Variants in SFMBT2 observed in about 807,000 individuals in gnomAD.
The protein encoded by SFMBT2 is scm-like with four MBT domains protein 2.
In SFMBT2, 38 loss-of-function variants were observed where a neutral mutation model predicts 110.1. That is an observed-to-expected ratio of 0.35 (90% CI 0.27 to 0.45). SFMBT2 has a LOEUF of 0.45. SFMBT2 is among the 20% of genes least tolerant of loss of function. The probability of loss-of-function intolerance (pLI) is 1.00; values close to 1 mark genes in which losing one functional copy is unlikely to be tolerated. For synonymous variants in SFMBT2, 425 were observed against 425.4 expected, an observed-to-expected ratio of 1.00 and a Z score of 0.01; for missense variants, 1,011 against 1,094.9, an observed-to-expected ratio of 0.92 and a Z score of 1.08.
Position 7,364,953 on chromosome 10 carries a change from G to A in SFMBT2, c.436+2696C>T, listed in dbSNP as rs573335371. ...CTCCATCAAGGCTGATTTACTTCAC[G>A]ACGGATCAGAAATCATAGGTAAATT... On this transcript the variant is annotated intron_variant, in intron 4 of 20. Coordinates refer to ENST00000397167, the MANE Select transcript of SFMBT2 (RefSeq NM_001387889.1). 3.3e-5 allele frequency among the ~76,000 whole-genome samples: 5 copies of A among 152,282 alleles called. No homozygotes were observed. In the East Asian group the frequency reaches 7.7e-4, roughly 23 times the overall value.
At chr10:7,184,390 CT>C (rs1838334433) in intron 16 of SFMBT2, among the ~76,000 whole-genome samples, 1 of 152,076 alleles carries the variant, frequency 6.6e-6, no homozygotes, top group Admixed American at 6.5e-5. Flanking sequence ...TTCTCATTCT[CT>C]TCTCTTGTCT....
rs146428989 is a variant in SFMBT2 at position 7,301,646 on chromosome 10, G to A, written c.437-15692C>T. 2.0e-3 allele frequency among the ~76,000 whole-genome samples: 310 copies of A among 152,318 alleles called. 1 individual carries two copies. Among genetic ancestry groups the A allele is most frequent in the African/African-American group, 7.1e-3 (294 of 41,576 alleles). On this transcript the variant is annotated intron_variant, in intron 4 of 20. Transcript: ENST00000397167. The surrounding 1 kb of genome is among the most constrained non-coding windows in gnomAD (Gnocchi z 4.2). ...ACAAACCAGAGACTGCAATGAGAGG[G>A]AGGAGCTGCAGCTCCAAGTTGGGCC...
At chr10:7,221,121 C>T (rs182975885) in intron 10 of SFMBT2, among the ~76,000 whole-genome samples, 8 of 152,104 alleles carry the variant, frequency 5.3e-5, no homozygotes, top group Non-Finnish European at 8.8e-5. Context: ...CCACCGTGCC[C>T]GGCTGCACCC....
At chr10:7,279,012 A>T in intron 6 of SFMBT2, among the ~76,000 whole-genome samples, 1 of 151,936 alleles carries the variant, frequency 6.6e-6, no homozygotes, top group East Asian at 1.9e-4. Flanking sequence ...GAGGCAGGAG[A>T]ATCGCTTGAA....
chr10:7,368,449 C>T (rs574822577), intron 3 of SFMBT2: 30 of 742,948 alleles, frequency 4.0e-5, no homozygotes, highest in African/African-American at 1.7e-4. Context: ...CTGACATATC[C>T]GCTGTCCGCA....
chr10:7,218,026 A>T (rs1401229458), intron 11 of SFMBT2, among the ~76,000 whole-genome samples: 1 of 152,276 alleles, frequency 6.6e-6, no homozygotes, highest in African/African-American at 2.4e-5. Flanking sequence ...CTTCAAGAGA[A>T]GTCAGATATT....
At chr10:7,227,474 T>C (rs1019014318) in intron 10 of SFMBT2, among the ~76,000 whole-genome samples, 3 of 152,228 alleles carry the variant, frequency 2.0e-5, no homozygotes, top group Admixed American at 2.0e-4. Flanking sequence ...TAACATACAC[T>C]GCTATCAGGC....
intron 11 of SFMBT2, among the ~76,000 whole-genome samples, chr10:7,218,639 GAA>G (rs1016535892): frequency 2.6e-5 from 4 of 152,144 alleles, no homozygotes; most frequent in African/African-American, 9.7e-5. Context: ...TGGGGAATAA[GAA>G]AAAGATCGGA....
At chr10:7,248,450 C>G (rs1419713669) in intron 8 of SFMBT2, 98 bp downstream of exon 8, 2 of 1,000,342 alleles carry the variant, frequency 2.0e-6, no homozygotes, top group African/African-American at 3.2e-5. Flanking sequence ...TTGCTGATAG[C>G]CTTGCACGAA....
intron 4 of SFMBT2, among the ~76,000 whole-genome samples, chr10:7,324,462 A>G (rs1391078020): frequency 6.6e-6 from 1 of 152,156 alleles, no homozygotes; most frequent in Non-Finnish European, 1.5e-5. Context: ...GAGCTCCAAA[A>G]ACCAAGAGGT....
chr10:7,357,586 A>G (rs1381467403), intron 4 of SFMBT2, among the ~76,000 whole-genome samples: 1 of 152,178 alleles, frequency 6.6e-6, no homozygotes, highest in African/African-American at 2.4e-5. Context: ...CCACAATCAC[A>G]TGTTCCTAAA....
chr10:7,394,691 A>C (rs1205692128), intron 1 of SFMBT2, among the ~76,000 whole-genome samples: 1 of 151,888 alleles, frequency 6.6e-6, no homozygotes, highest in Non-Finnish European at 1.5e-5. Flanking sequence ...TCAAATCCAA[A>C]TTTTTCATAA....
At chr10:7,329,466 G>A (rs1307738736) in intron 4 of SFMBT2, 2 of 985,376 alleles carry the variant, frequency 2.0e-6, no homozygotes, top group Admixed American at 6.1e-5. Context: ...CTGAGGAAAT[G>A]TGTGTGGTGA....
Position 7,159,366 on chromosome 10 carries a change from T to A in SFMBT2, c.*4404A>T, listed in dbSNP as rs559737329. The A allele has an allele frequency of 5.9e-5, 9 of 152,318 alleles. No individual in the cohort carries two copies. The highest frequency in any genetic ancestry group is 5.2e-4 in the Admixed American group (8 of 15,302). 9.4% of individuals were successfully genotyped at this position (152,318 alleles called of 1,614,324 possible). On this transcript the variant is annotated 3_prime_UTR_variant, in exon 21 of 21. Transcript: ENST00000397167. Reference sequence around the variant, plus strand: ...CACAATTTGATTTTATCATAGTATGTTTGGGGTATCTGCAAACCATTCTAG... The same window carrying A: ...CACAATTTGATTTTATCATAGTATGATTGGGGTATCTGCAAACCATTCTAG...
At chr10:7,284,281 C>A in intron 5 of SFMBT2, 131 bp from the exon 6 acceptor site, 1 of 1,472,672 alleles carries the variant, frequency 6.8e-7, no homozygotes, top group South Asian at 1.4e-5. Context: ...GGCGTTCCCT[C>A]CACCCCATCC....
intron 7 of SFMBT2, among the ~76,000 whole-genome samples, chr10:7,268,957 A>T (rs1355230817): frequency 6.6e-6 from 1 of 152,232 alleles, no homozygotes; most frequent in Admixed American, 6.5e-5. Flanking sequence ...TATACAGTGC[A>T]GTCACCTCTA....
At chr10:7,211,680 T>C (rs183996849) in intron 11 of SFMBT2, among the ~76,000 whole-genome samples, 2 of 152,306 alleles carry the variant, frequency 1.3e-5, no homozygotes, top group Admixed American at 6.5e-5. Flanking sequence ...CTTCTCCCCC[T>C]AAGGTTTCAT....
At chr10:7,188,573 C>T (rs558775014) in intron 16 of SFMBT2, 51 bp downstream of exon 16, 3 of 1,416,596 alleles carry the variant, frequency 2.1e-6, no homozygotes, top group African/African-American at 1.4e-5. Context: ...TTCAAAGTAG[C>T]ATGGGGAAGT....
intron 16 of SFMBT2, among the ~76,000 whole-genome samples, chr10:7,177,630 C>T (rs866063064): frequency 1.3e-4 from 20 of 151,946 alleles, no homozygotes; most frequent in African/African-American, 3.6e-4. Flanking sequence ...TTTGGGAGGC[C>T]GAGGCAGGAG....
Sources: allele counts gnomAD v4.1 joint callset (sites outside exome capture counted in the v4.1 genomes callset), GRCh38; gene constraint gnomAD v4.1.1; non-coding constraint Gnocchi (gnomAD v3.1); transcripts MANE v1.5; gene names NCBI Gene and HGNC (gene_info 2026-07-23, HGNC 2026-07-21).